Variants in FRAS1 observed in about 807,000 individuals in gnomAD.
FRAS1 encodes the protein extracellular matrix organizing protein FRAS1.
In FRAS1, 290 loss-of-function variants were observed where a neutral mutation model predicts 435.2. The ratio of observed to expected loss-of-function variants is 0.67; its 90% CI spans 0.61 to 0.73. FRAS1 has a LOEUF of 0.73. FRAS1 is among the 30% of genes least tolerant of loss of function. The pLI, the probability that FRAS1 is intolerant of heterozygous loss-of-function variation, is 0.00. For missense variants in FRAS1, 4,860 were observed against 5,001.5 expected (o/e 0.97, Z 0.85); for synonymous variants, 1,800 against 1,851.0 (o/e 0.97, Z 0.71).
At chr4:78,433,188 C>G (rs1734279892) in intron 38 of FRAS1, among the ~76,000 whole-genome samples, 1 of 152,200 alleles carries the variant, frequency 6.6e-6, no homozygotes, top group Non-Finnish European at 1.5e-5. Flanking sequence ...AGTTTGTTTC[C>G]TGGTCTGGCC....
Position 78,382,816 on chromosome 4 carries a change from C to A in FRAS1, c.3564-1243C>A, listed in dbSNP as rs182726241. Reference sequence around the variant, plus strand: ...AAGTCTTTTTATAGTTGCTCCTTTACCCCTAGTCACTGGTGACCACTGATC... The same window carrying A: ...AAGTCTTTTTATAGTTGCTCCTTTAACCCTAGTCACTGGTGACCACTGATC... On this transcript the variant is annotated intron_variant, in intron 27 of 73. Transcript: ENST00000512123. Among the ~76,000 whole-genome samples, 4 of 152,264 alleles carry A rather than the reference C, an allele frequency of 2.6e-5. No homozygotes were observed. In the East Asian group the frequency reaches 7.7e-4, roughly 29 times the overall value.
At chr4:78,058,770 A>G (rs1025270487) in intron 1 of FRAS1, among the ~76,000 whole-genome samples, 1 of 152,202 alleles carries the variant, frequency 6.6e-6, no homozygotes, top group Non-Finnish European at 1.5e-5. Flanking sequence ...AAAACCCCGG[A>G]GCCGCAGGAG....
At chr4:78,491,651 C>A (rs1046945378) in intron 59 of FRAS1, among the ~76,000 whole-genome samples, 1 of 152,106 alleles carries the variant, frequency 6.6e-6, no homozygotes, top group African/African-American at 2.4e-5. Flanking sequence ...TGGAACATAT[C>A]TCAAAATAAC....
At chr4:78,258,540 G>C (rs1206519027) in intron 6 of FRAS1, among the ~76,000 whole-genome samples, 2 of 150,668 alleles carry the variant, frequency 1.3e-5, no homozygotes, top group African/African-American at 4.9e-5. Flanking sequence ...TGCCATGGAG[G>C]AGAAATCTGA....
At chr4:78,212,121 T>C (rs890472876) in intron 2 of FRAS1, among the ~76,000 whole-genome samples, 2 of 152,244 alleles carry the variant, frequency 1.3e-5, no homozygotes, top group Non-Finnish European at 2.9e-5. Flanking sequence ...ACTTGGGTTG[T>C]TTCCACATTT....
intron 9 of FRAS1, among the ~76,000 whole-genome samples, chr4:78,276,382 A>G (rs994072823): frequency 1.2e-4 from 18 of 152,198 alleles, no homozygotes; most frequent in African/African-American, 4.3e-4. Context: ...TTGGAGGGGT[A>G]GAGGTGCTCT....
At position 78,436,689 on chromosome 4, in the gene FRAS1, TA is replaced by T. The variant is rs879360022; in HGVS notation, c.5218-1871del. On this transcript the variant is annotated intron_variant, in intron 38 of 73. Coordinates refer to ENST00000512123, the MANE Select transcript of FRAS1 (RefSeq NM_025074.7). Reference sequence around the variant, plus strand: ...GGATCTTAGCAGTCTAATGTTGAGTTAAAAAAAAAATTGCAAAAGAGTAAAG... The same window carrying T: ...GGATCTTAGCAGTCTAATGTTGAGTTAAAAAAAAATTGCAAAAGAGTAAAG... Among the ~76,000 whole-genome samples, 484 of 150,008 alleles carry T rather than the reference TA, an allele frequency of 3.2e-3. 4 individuals carry two copies. Among genetic ancestry groups the T allele is most frequent in the Admixed American group, 8.3e-3 (125 of 15,014 alleles).
At chr4:78,305,460 G>A (rs1452300971) in intron 14 of FRAS1, among the ~76,000 whole-genome samples, 1 of 150,020 alleles carries the variant, frequency 6.7e-6, no homozygotes, top group Non-Finnish European at 1.5e-5. Flanking sequence ...TTGACAGTGG[G>A]GTGTTAAAGT....
At chr4:78,274,395 C>A (rs145510567) in intron 9 of FRAS1, among the ~76,000 whole-genome samples, 4,756 of 152,196 alleles carry the variant, frequency 0.031, 254 homozygotes, top group African/African-American at 0.11. Flanking sequence ...TAGTTCCTTT[C>A]ATTGTGATGT....
intron 19 of FRAS1, among the ~76,000 whole-genome samples, chr4:78,335,190 A>C (rs1047420334): frequency 6.6e-6 from 1 of 152,098 alleles, no homozygotes; most frequent in African/African-American, 2.4e-5. Context: ...AACCACCCTA[A>C]ATTTGTGGCT....
At chr4:78,215,991 C>T (rs1342227857) in intron 2 of FRAS1, among the ~76,000 whole-genome samples, 1 of 152,164 alleles carries the variant, frequency 6.6e-6, no homozygotes, top group Non-Finnish European at 1.5e-5. Context: ...TTTTTGGCAT[C>T]TTTCATTGGT....
chr4:78,438,045 G>A (rs923669245), intron 38 of FRAS1, among the ~76,000 whole-genome samples: 5 of 130,576 alleles, frequency 3.8e-5, no homozygotes, highest in South Asian at 4.7e-4. Context: ...ATTTTATCAC[G>A]TTGAACATTG....
chr4:78,517,043 T>C (rs1721234767), intron 66 of FRAS1, among the ~76,000 whole-genome samples: 1 of 152,244 alleles, frequency 6.6e-6, no homozygotes, highest in African/African-American at 2.4e-5. Context: ...AAACAGGTTC[T>C]ATCCAATTTT....
intron 20 of FRAS1, among the ~76,000 whole-genome samples, chr4:78,343,822 C>T (rs1193521724): frequency 6.6e-6 from 1 of 152,180 alleles, no homozygotes; most frequent in Non-Finnish European, 1.5e-5. Flanking sequence ...TCTGTCTCCC[C>T]TCCAGACACA....
chr4:78,430,145 G>T, intron 36 of FRAS1, 147 bp from the exon 37 acceptor site: 1 of 890,836 alleles, frequency 1.1e-6, no homozygotes, highest in South Asian at 1.5e-5. Flanking sequence ...TTACTCTTTT[G>T]TGCCTGATTG....
chr4:78,306,050 T>C (rs1239826531), intron 14 of FRAS1, among the ~76,000 whole-genome samples: 5 of 152,112 alleles, frequency 3.3e-5, no homozygotes, highest in Admixed American at 6.5e-5. Flanking sequence ...TCTTTTATGG[T>C]AGGCCTGGTG....
chr4:78,077,386 A>G (rs115098926), intron 2 of FRAS1, among the ~76,000 whole-genome samples: 1,761 of 152,164 alleles, frequency 0.012, 41 homozygotes, highest in African/African-American at 0.041. Flanking sequence ...CAAAACTAAA[A>G]CCAAACAACT....
rs115087513 is a variant in FRAS1, at chr4:78,525,828, G to A, written c.10809-713G>A. On this transcript the variant is annotated intron_variant, in intron 69 of 73. Coordinates refer to ENST00000512123, the MANE Select transcript of FRAS1 (RefSeq NM_025074.7). The stretch of plus-strand genomic sequence containing the variant: ...GACGAAATAGGAGAGAGGTCCAAAG[G>A]CTTCCTGCTCACAGAGTCATGAACT... 4.4e-3 allele frequency among the ~76,000 whole-genome samples: 664 copies of A among 152,302 alleles called. 6 individuals are homozygous for A. Among genetic ancestry groups the A allele is most frequent in the African/African-American group, 0.015 (620 of 41,580 alleles).
chr4:78,490,897 G>C (rs1264548782), intron 59 of FRAS1, among the ~76,000 whole-genome samples: 1 of 151,388 alleles, frequency 6.6e-6, no homozygotes, highest in Non-Finnish European at 1.5e-5. Flanking sequence ...TAACCAAATA[G>C]ATAGACCATT....
Sources: gnomAD v4.1 joint callset for allele counts (sites outside exome capture counted in the v4.1 genomes callset) on GRCh38, gnomAD v4.1.1 for gene constraint, MANE v1.5 for transcripts, NCBI Gene and HGNC (gene_info 2026-07-23, HGNC 2026-07-21) for gene names.